Variants in DAB1 observed in about 807,000 individuals in gnomAD.
The protein encoded by DAB1 is disabled homolog 1.
Under a neutral mutation model 64.6 loss-of-function variants are expected in DAB1, and 15 were observed. The ratio of observed to expected loss-of-function variants is 0.23; its 90% CI spans 0.16 to 0.36. The LOEUF (loss-of-function observed/expected upper bound fraction) is 0.36, where lower values mean the gene tolerates loss of function less well. Among genes scored for constraint, DAB1 ranks in the 10% least tolerant of loss-of-function variants. DAB1 has a pLI of 1.00. For synonymous variants in DAB1, 235 were observed against 251.9 expected, an observed-to-expected ratio of 0.93 and a Z score of 0.64; for missense variants, 596 against 706.7, an observed-to-expected ratio of 0.84 and a Z score of 1.78.
intron 1 of DAB1, among the ~76,000 whole-genome samples, chr1:57,305,641 T>C (rs1674071957): frequency 6.6e-6 from 1 of 152,018 alleles, no homozygotes; most frequent in Non-Finnish European, 1.5e-5. Flanking sequence ...ATGTCTCCTG[T>C]AACAGAGCAT....
At chr1:57,365,280 T>C (rs1679895231) in intron 1 of DAB1, among the ~76,000 whole-genome samples, 1 of 141,620 alleles carries the variant, frequency 7.1e-6, no homozygotes, top group Admixed American at 7.4e-5. Flanking sequence ...TATAAATATA[T>C]ATTTATATAT....
chr1:57,346,654 C>T lies in DAB1; in HGVS notation c.-136-55488G>A, dbSNP rs549451055. The stretch of plus-strand genomic sequence containing the variant: ...GGAATTCTAGGCTGTTTTGTTGTCA[C>T]TGTTCTCTAGAAGCTGGAAGAGTCT... On this transcript the variant is annotated intron_variant, in intron 1 of 14. Transcript: ENST00000371236. Among the ~76,000 whole-genome samples the T allele has an allele frequency of 8.5e-5, 13 of 152,232 alleles. No individual in the cohort carries two copies. In the South Asian group the frequency reaches 2.7e-3, roughly 32 times the overall value.
chr1:58,053,828 C>T (rs1341583415), intron 5 of DAB1, among the ~76,000 whole-genome samples: 6 of 152,170 alleles, frequency 3.9e-5, no homozygotes, highest in African/African-American at 1.4e-4. Context: ...AGTCTGCAAG[C>T]TAAATCAATG....
intron 1 of DAB1, among the ~76,000 whole-genome samples, chr1:57,338,859 T>C (rs557040909): frequency 6.6e-6 from 1 of 152,204 alleles, no homozygotes; most frequent in Non-Finnish European, 1.5e-5. Context: ...GTGAGTTTAC[T>C]GAGAGGAACA....
intron 5 of DAB1, among the ~76,000 whole-genome samples, chr1:57,948,607 GTCAGTTAATGTACATC>G (rs751292239): frequency 1.3e-4 from 20 of 152,330 alleles, no homozygotes; most frequent in Non-Finnish European, 2.8e-4. Flanking sequence ...CCTAGACTAT[GTCAGTTAATGTACATC>G]TTGGCCAAAG....
chr1:57,988,249 A>G (rs1037800940), intron 5 of DAB1, among the ~76,000 whole-genome samples: 2 of 152,174 alleles, frequency 1.3e-5, no homozygotes, highest in East Asian at 1.9e-4. Context: ...AGGTTACTTA[A>G]CGAGAGGCAG....
chr1:57,860,259 T>C lies in DAB1; in HGVS notation n.87+23740A>G, dbSNP rs1424145605. ...ATGAAAGATTATCCTTTCCATCATATATTACATTTGAGACACTCATATGAA... is the reference window on the plus strand; with the variant it reads ...ATGAAAGATTATCCTTTCCATCATACATTACATTTGAGACACTCATATGAA... On this transcript the variant is annotated intron_variant and non_coding_transcript_variant, in intron 1 of 1. Coordinates refer to the DAB1 transcript ENST00000477280. Among the ~76,000 whole-genome samples the C allele has an allele frequency of 4.6e-5, 7 of 152,328 alleles. No individual in the cohort carries two copies. The East Asian group carries it at 1.2e-3, about 25-fold the overall frequency.
chr1:57,544,802 C>G (rs1644838503), intron 7 of DAB1, among the ~76,000 whole-genome samples: 1 of 152,220 alleles, frequency 6.6e-6, no homozygotes, highest in Admixed American at 6.5e-5. Context: ...TTGCTAGGCA[C>G]TTTTCCTTCC....
At chr1:57,622,045 AG>A (rs1470827024) in intron 7 of DAB1, among the ~76,000 whole-genome samples, 1 of 152,220 alleles carries the variant, frequency 6.6e-6, no homozygotes, top group African/African-American at 2.4e-5. Context: ...GAGAGGTGGG[AG>A]GGCAGGTATT....
chr1:57,620,474 T>G (rs1244550854), intron 7 of DAB1, among the ~76,000 whole-genome samples: 2 of 152,224 alleles, frequency 1.3e-5, no homozygotes, highest in Admixed American at 6.5e-5. Context: ...GACTGGTAAT[T>G]GAGTGAACTT....
chr1:57,608,616 C>A (rs963192723), intron 7 of DAB1, among the ~76,000 whole-genome samples: 10 of 152,190 alleles, frequency 6.6e-5, no homozygotes, highest in African/African-American at 2.4e-4. Flanking sequence ...AGATGTTGGG[C>A]TAAATACTTA....
Position 58,092,332 on chromosome 1 carries a change from CAA to C in DAB1, n.387+58177_387+58178del, listed in dbSNP as rs34905465. 1.2e-3 allele frequency among the ~76,000 whole-genome samples: 148 copies of C among 128,274 alleles called. 2 individuals are homozygous for C. Among genetic ancestry groups the C allele is most frequent in the South Asian group, 5.5e-3 (22 of 3,964 alleles). The allele number at this position is 128,274 out of a possible 152,430, so 84.2% of individuals were successfully genotyped here. On this transcript the variant is annotated intron_variant and non_coding_transcript_variant, in intron 5 of 20. Coordinates refer to the DAB1 transcript ENST00000485760. ...TGGGTGACAGAGCAAGACTCCGTCTCAAAAAAAAAAAAAAAAATTTAATGCCA... is the reference window on the plus strand; with the variant it reads ...TGGGTGACAGAGCAAGACTCCGTCTCAAAAAAAAAAAAAAATTTAATGCCA...
At chr1:57,184,936 C>T (rs1214159758) in intron 2 of DAB1, among the ~76,000 whole-genome samples, 1 of 152,090 alleles carries the variant, frequency 6.6e-6, no homozygotes, top group Non-Finnish European at 1.5e-5. Flanking sequence ...ACATGGACCC[C>T]GCAGGCATCC....
At chr1:58,059,976 C>G (rs942673690) in intron 5 of DAB1, among the ~76,000 whole-genome samples, 1 of 152,090 alleles carries the variant, frequency 6.6e-6, no homozygotes, top group Non-Finnish European at 1.5e-5. Context: ...GAAGGCAGCA[C>G]AAAAGGGACT....
At position 57,064,095 on chromosome 1, in the gene DAB1, T is replaced by C. The variant is rs116851145; in HGVS notation, c.664-1152A>G. On this transcript the variant is annotated intron_variant, in intron 8 of 14. Coordinates refer to ENST00000371236, the MANE Select transcript of DAB1 (RefSeq NM_001365792.1). ...ACGTATGATAGAGGAATGTGGGGAA[T>C]AGTGAAGGAAAAGTATCTTTTGGGC... Among the ~76,000 whole-genome samples the C allele has an allele frequency of 1.6e-4, 25 of 152,314 alleles. 1 individual carries two copies. The East Asian group carries it at 4.8e-3, about 29-fold the overall frequency.
intron 3 of DAB1, among the ~76,000 whole-genome samples, chr1:58,362,372 T>C (rs770839168): frequency 3.9e-5 from 6 of 152,196 alleles, no homozygotes; most frequent in African/African-American, 7.2e-5. Flanking sequence ...TTTTCCATTA[T>C]GTCTCCATCC....
Position 57,311,471 on chromosome 1 carries a change from G to A in DAB1, c.-136-20305C>T, listed in dbSNP as rs540622569. ...AAAAAAATCAGACATCAAACTCTGT[G>A]TAGCTGACTTAGAATGATAGGAGTT... is the stretch of plus-strand genomic sequence containing the variant. On this transcript the variant is annotated intron_variant, in intron 1 of 14. Transcript: ENST00000371236. Among the ~76,000 whole-genome samples the A allele has an allele frequency of 3.9e-5, 6 of 152,102 alleles. No homozygotes were observed. In the South Asian group the frequency reaches 1.0e-3, roughly 26 times the overall value.
At chr1:57,850,659 T>C (rs1653481833) in intron 1 of DAB1, among the ~76,000 whole-genome samples, 1 of 152,170 alleles carries the variant, frequency 6.6e-6, no homozygotes, top group Non-Finnish European at 1.5e-5. Flanking sequence ...GGCCTGCAAG[T>C]GCCGGGCTGG....
chr1:57,618,373 C>G (rs1645814523), intron 7 of DAB1, among the ~76,000 whole-genome samples: 1 of 148,884 alleles, frequency 6.7e-6, no homozygotes, highest in Admixed American at 6.7e-5. Context: ...CAAGATCATG[C>G]CACTGCACTC....
Sources: gnomAD v4.1 joint callset for allele counts (sites outside exome capture counted in the v4.1 genomes callset) on GRCh38, gnomAD v4.1.1 for gene constraint, MANE v1.5 for transcripts, NCBI Gene and HGNC (gene_info 2026-07-23, HGNC 2026-07-21) for gene names.